Variants in AGBL4 observed in about 807,000 individuals in gnomAD.
AGBL4 encodes cytosolic carboxypeptidase 6.
A neutral mutation model predicts 66.4 loss-of-function variants in AGBL4; 58 were observed. The observed-to-expected ratio is 0.87, with a 90% confidence interval of 0.71 to 1.09. The LOEUF is 1.09. Among genes scored for constraint, AGBL4 ranks in the 50% least tolerant of loss-of-function variants. AGBL4 has a pLI of 0.00. For synonymous variants in AGBL4, 234 were observed against 222.9 expected (o/e 1.05, Z -0.44); for missense variants, 579 against 631.0 (o/e 0.92, Z 0.88).
intron 4 of AGBL4, among the ~76,000 whole-genome samples, chr1:49,122,133 G>A (rs1645667410): frequency 6.6e-6 from 1 of 152,230 alleles, no homozygotes; most frequent in South Asian, 2.1e-4. Flanking sequence ...CCCTTGGCTA[G>A]GAAAGGGAAA....
chr1:48,543,688 G>C (rs775880476), intron 11 of AGBL4, among the ~76,000 whole-genome samples: 9 of 152,172 alleles, frequency 5.9e-5, no homozygotes, highest in Non-Finnish European at 1.0e-4. Context: ...ACAAGTGTTT[G>C]AGAAATGGGC....
chr1:49,661,030 T>C (rs1048455268), intron 3 of AGBL4, among the ~76,000 whole-genome samples: 1 of 152,106 alleles, frequency 6.6e-6, no homozygotes, highest in Admixed American at 6.6e-5. Context: ...GATGGGTTGA[T>C]AAGTGCAGCA....
At position 48,684,757 on chromosome 1, in the gene AGBL4, T is replaced by TGA. The variant is rs1226392768; in HGVS notation, c.635-21518_635-21517dup. On this transcript the variant is annotated intron_variant, in intron 6 of 13. Transcript: ENST00000371839. ...AGAATGCCAATCAGAAAACAAACTT[T>TGA]GAGATCCTTATCCATTAAAAATAAG... Among the ~76,000 whole-genome samples, 5 of 152,130 alleles carry TGA rather than the reference T, an allele frequency of 3.3e-5. No homozygotes were observed. In the East Asian group the frequency reaches 9.6e-4, roughly 29 times the overall value.
intron 3 of AGBL4, among the ~76,000 whole-genome samples, chr1:49,605,357 T>C (rs1306408221): frequency 2.6e-5 from 4 of 152,142 alleles, no homozygotes; most frequent in Non-Finnish European, 5.9e-5. Flanking sequence ...GCATGATTTA[T>C]CTCTGCTGTG....
chr1:49,285,968 A>T (rs1306353106), intron 3 of AGBL4, among the ~76,000 whole-genome samples: 2 of 152,198 alleles, frequency 1.3e-5, no homozygotes, highest in Non-Finnish European at 2.9e-5. Flanking sequence ...CCTCAATAAA[A>T]TACGGGCAAA....
intron 9 of AGBL4, among the ~76,000 whole-genome samples, chr1:48,595,184 A>C (rs1401971175): frequency 6.6e-6 from 1 of 152,174 alleles, no homozygotes; most frequent in Non-Finnish European, 1.5e-5. Context: ...CAAGGTACAG[A>C]TCTCTCTCAT....
intron 6 of AGBL4, among the ~76,000 whole-genome samples, chr1:48,823,787 T>C (rs753101941): frequency 6.6e-6 from 1 of 152,260 alleles, no homozygotes; most frequent in Non-Finnish European, 1.5e-5. Context: ...AAAGCATGTG[T>C]AATGCATGGA....
At chr1:48,817,173 C>A (rs1646199762) in intron 6 of AGBL4, among the ~76,000 whole-genome samples, 1 of 152,156 alleles carries the variant, frequency 6.6e-6, no homozygotes. Context: ...ACCCCTCTCC[C>A]AACGTATGAC....
intron 1 of AGBL4, among the ~76,000 whole-genome samples, chr1:49,866,833 T>G (rs1646713459): frequency 6.6e-6 from 1 of 151,972 alleles, no homozygotes; most frequent in South Asian, 2.1e-4. Flanking sequence ...TCACCTTGAC[T>G]TCACATCATT....
chr1:48,545,603 G>C (rs577615049), intron 11 of AGBL4, among the ~76,000 whole-genome samples: 2 of 152,326 alleles, frequency 1.3e-5, no homozygotes, highest in East Asian at 3.9e-4. Context: ...AAAATCTCAA[G>C]ATGGTCTGTA....
Position 49,116,493 on chromosome 1 carries a change from A to G in AGBL4, c.378-70693T>C, listed in dbSNP as rs149144318. Among the ~76,000 whole-genome samples, 1,143 of 152,270 alleles carry G rather than the reference A, an allele frequency of 7.5e-3. 78 individuals are homozygous for G. In the East Asian group the frequency reaches 0.17, roughly 23 times the overall value. ...GTGTTTGATTTTTTGTCCTTGTGAT[A>G]GTTTGCTGAGAATGATGTTTTCCAG... On this transcript the variant is annotated intron_variant, in intron 4 of 13. Transcript: ENST00000371839.
At chr1:49,648,717 A>G (rs1423765469) in intron 3 of AGBL4, among the ~76,000 whole-genome samples, 1 of 152,054 alleles carries the variant, frequency 6.6e-6, no homozygotes, top group East Asian at 1.9e-4. Context: ...TAAAATATTG[A>G]AAGTGTGGAG....
chr1:49,513,249 A>G (rs1649440446), intron 3 of AGBL4, among the ~76,000 whole-genome samples: 1 of 152,032 alleles, frequency 6.6e-6, no homozygotes, highest in Non-Finnish European at 1.5e-5. Flanking sequence ...CAAATTAATA[A>G]TGTTTTGCTG....
At chr1:49,131,433 T>C (rs972504701) in intron 4 of AGBL4, among the ~76,000 whole-genome samples, 1 of 152,092 alleles carries the variant, frequency 6.6e-6, no homozygotes, top group Admixed American at 6.6e-5. Context: ...AATGGTATTA[T>C]GGAGCTTCTT....
At chr1:49,376,464 A>T in intron 3 of AGBL4, among the ~76,000 whole-genome samples, 1 of 152,136 alleles carries the variant, frequency 6.6e-6, no homozygotes, top group East Asian at 1.9e-4. Context: ...CACATAAAAG[A>T]GTTGTTACAG....
intron 1 of AGBL4, among the ~76,000 whole-genome samples, chr1:49,981,151 C>A (rs931803526): frequency 6.6e-6 from 1 of 152,128 alleles, no homozygotes; most frequent in African/African-American, 2.4e-5. Flanking sequence ...AAAGGCAGAA[C>A]AGGGAACTGC....
rs192108010 is a variant in AGBL4 at position 48,755,657 on chromosome 1, T to C, written c.635-92416A>G. 5.9e-5 allele frequency among the ~76,000 whole-genome samples: 9 copies of C among 152,310 alleles called. No homozygotes were observed. In the East Asian group the frequency reaches 1.7e-3, roughly 29 times the overall value. ...TTCTCTGCCTTCTTAGTGGTGTTTA[T>C]AGATCAGGATCTGTTACAGCAAGGG... is the stretch of plus-strand genomic sequence containing the variant. On this transcript the variant is annotated intron_variant, in intron 6 of 13. Coordinates refer to ENST00000371839, the MANE Select transcript of AGBL4 (RefSeq NM_032785.4).
chr1:48,702,955 G>T (rs887136529), intron 6 of AGBL4, among the ~76,000 whole-genome samples: 11 of 152,086 alleles, frequency 7.2e-5, no homozygotes, highest in African/African-American at 2.7e-4. Context: ...CCACAGTGAG[G>T]GGTTAACAGT....
At chr1:49,886,790 A>G (rs955724823) in intron 1 of AGBL4, among the ~76,000 whole-genome samples, 4 of 152,170 alleles carry the variant, frequency 2.6e-5, no homozygotes, top group Non-Finnish European at 4.4e-5. Context: ...GTCAAGCTCT[A>G]CAACTGCATT....
Sources: allele counts gnomAD v4.1 joint callset (sites outside exome capture counted in the v4.1 genomes callset), GRCh38; gene constraint gnomAD v4.1.1; transcripts MANE v1.5; gene names NCBI Gene and HGNC (gene_info 2026-07-23, HGNC 2026-07-21).